RERE: variants seen among roughly 807,000 people sequenced by gnomAD.
RERE encodes the protein arginine-glutamic acid dipeptide repeats, also known as arginine-glutamic acid dipeptide repeats protein.
RERE carries 40 observed loss-of-function variants against 146.1 expected under a neutral mutation model. That is an observed-to-expected ratio of 0.27 (90% confidence interval 0.21 to 0.36). The LOEUF (loss-of-function observed/expected upper bound fraction) is 0.36. Ranked by LOEUF, RERE falls within the 10% of genes least tolerant of loss-of-function variation. The pLI is 1.00. For synonymous variants in RERE, 1,003 were observed against 866.0 expected (o/e 1.16, Z -2.78); for missense variants, 1,933 against 2,138.7 (o/e 0.90, Z 1.90).
At chr1:8,546,992 T>C (rs898982550) in intron 6 of RERE, among the ~76,000 whole-genome samples, 2 of 151,846 alleles carry the variant, frequency 1.3e-5, no homozygotes, top group Admixed American at 1.3e-4. Context: ...AAAACATCCA[T>C]GTTCTTAGAT....
intron 7 of RERE, among the ~76,000 whole-genome samples, chr1:8,513,571 G>C (rs1645371197): frequency 6.6e-6 from 1 of 152,188 alleles, no homozygotes. Context: ...TTGAGGTCAA[G>C]AGTTCGAGAC....
intron 12 of RERE, among the ~76,000 whole-genome samples, chr1:8,383,904 T>G (rs1468236366): frequency 2.7e-5 from 4 of 146,590 alleles, no homozygotes; most frequent in African/African-American, 7.4e-5. Context: ...TAAAAATGTA[T>G]GCCAAACTAC....
chr1:8,617,129 G>A (rs12140566), intron 3 of RERE, among the ~76,000 whole-genome samples: 2 of 151,868 alleles, frequency 1.3e-5, no homozygotes, highest in Admixed American at 1.3e-4. Flanking sequence ...CGGATCACAA[G>A]GTCAGGAGTT....
intron 1 of RERE, among the ~76,000 whole-genome samples, chr1:8,683,081 T>G (rs1422932852): frequency 2.2e-5 from 3 of 136,924 alleles, no homozygotes; most frequent in Non-Finnish European, 4.7e-5. Context: ...ATTCTATTAG[T>G]ATAATCATCA....
At chr1:8,568,778 T>C (rs1207102347) in intron 4 of RERE, among the ~76,000 whole-genome samples, 1 of 152,204 alleles carries the variant, frequency 6.6e-6, no homozygotes, top group African/African-American at 2.4e-5. Context: ...TCATGGGACT[T>C]AGCTTCTATG....
At position 8,459,281 on chromosome 1, in the gene RERE, A is replaced by C. The variant is rs148739265; in HGVS notation, c.1203+6644T>G. ...ACTATAGGTCACATTAAGAATACAT[A>C]ATATGGAGTAATATGTACATACGTG... On this transcript the variant is annotated intron_variant, in intron 11 of 22. Coordinates refer to ENST00000400908, the MANE Select transcript of RERE (RefSeq NM_001042681.2). 3.4e-3 allele frequency among the ~76,000 whole-genome samples: 523 copies of C among 152,324 alleles called. 2 individuals carry two copies. The highest frequency in any genetic ancestry group is 5.0e-3 in the Non-Finnish European group (343 of 68,022).
intron 7 of RERE, among the ~76,000 whole-genome samples, chr1:8,537,820 C>G (rs1355228759): frequency 6.6e-6 from 1 of 151,816 alleles, no homozygotes; most frequent in Non-Finnish European, 1.5e-5. Context: ...AAATCAGATC[C>G]CTGACAAGAT....
chr1:8,742,597 G>A (rs893415417), intron 1 of RERE, among the ~76,000 whole-genome samples: 4 of 152,216 alleles, frequency 2.6e-5, no homozygotes, highest in African/African-American at 9.6e-5. Context: ...GAGGCAGGCA[G>A]ATCACTCAAG....
chr1:8,457,398 C>T (rs746767092), intron 11 of RERE, among the ~76,000 whole-genome samples: 9 of 152,090 alleles, frequency 5.9e-5, no homozygotes, highest in African/African-American at 9.7e-5. Flanking sequence ...AAAGGTACTT[C>T]GGAAAAATGT....
At chr1:8,475,027 G>A (rs2399145) in intron 10 of RERE, among the ~76,000 whole-genome samples, 129,874 of 152,274 alleles carry the variant, frequency 0.85, 55,770 homozygotes, top group East Asian at 0.94. Context: ...TAATTATTTC[G>A]ACTATTAAGA....
intron 12 of RERE, among the ~76,000 whole-genome samples, chr1:8,366,744 A>C (rs2124380235): frequency 6.6e-6 from 1 of 152,322 alleles, no homozygotes; most frequent in South Asian, 2.1e-4. Context: ...GCAGAAACAA[A>C]AGCAAGATAC....
chr1:8,557,603 C>A, intron 4 of RERE, 80 bp from the exon 5 acceptor site: 2 of 867,862 alleles, frequency 2.3e-6, no homozygotes, highest in East Asian at 2.5e-5. Context: ...ACCAAAAGCC[C>A]CTGTAAACGG....
chr1:8,560,219 T>G (rs1646061641), intron 4 of RERE, among the ~76,000 whole-genome samples: 1 of 152,132 alleles, frequency 6.6e-6, no homozygotes, highest in South Asian at 2.1e-4. Context: ...GCCAGAGGAT[T>G]CTTTGTTGTG....
At chr1:8,649,563 C>CT (rs1647499515) in intron 2 of RERE, among the ~76,000 whole-genome samples, 1 of 151,912 alleles carries the variant, frequency 6.6e-6, no homozygotes, top group Non-Finnish European at 1.5e-5. Flanking sequence ...AACCCTGACT[C>CT]TACTAAAAAC....
chr1:8,748,882 C>A (rs1640475418), intron 1 of RERE, among the ~76,000 whole-genome samples: 1 of 152,116 alleles, frequency 6.6e-6, no homozygotes, highest in Non-Finnish European at 1.5e-5. Flanking sequence ...AATGAGGTAT[C>A]AGAACATACA....
At chr1:8,406,741 T>C (rs1267087521) in intron 12 of RERE, among the ~76,000 whole-genome samples, 1 of 152,074 alleles carries the variant, frequency 6.6e-6, no homozygotes, top group Non-Finnish European at 1.5e-5. Context: ...AGAGGGAGAA[T>C]AGTTCAGAAT....
At chr1:8,768,518 T>G (rs1159759265) in intron 1 of RERE, among the ~76,000 whole-genome samples, 2 of 152,222 alleles carry the variant, frequency 1.3e-5, no homozygotes, top group African/African-American at 4.8e-5. Flanking sequence ...ACTGGTCACA[T>G]GTAGCCACTG....
rs1641516743 is a variant in RERE at position 8,360,439 on chromosome 1, G to A, written c.3068C>T (p.Thr1023Ile). The change falls in exon 18 of 23, where the codon ACA becomes ATA. Residue 1023 changes from threonine to isoleucine, a missense_variant. This residue lies in a region of RERE where 1,255 missense variants were observed against 1,153.8 expected (regional missense o/e 1.09). Coordinates refer to ENST00000400908, the MANE Select transcript of RERE (RefSeq NM_001042681.2). ...TTGGGGGGCCACCTGGTGGAGGCCT[G>A]TAGGGGGGTGGGAGGCAGGGGGCGG... ...LPPPPASHPP[T>I]GLHQVAPQPP... 2.3e-6 allele frequency: 2 copies of A among 853,706 alleles called. No homozygotes were observed. Among genetic ancestry groups the A allele is most frequent in the African/African-American group, 1.9e-5 (1 of 51,454 alleles). The allele number at this position is 853,706 out of a possible 1,614,324, so 52.9% of individuals were successfully genotyped here.
At chr1:8,743,354 C>A (rs1248924030) in intron 1 of RERE, among the ~76,000 whole-genome samples, 2 of 151,950 alleles carry the variant, frequency 1.3e-5, no homozygotes, top group African/African-American at 2.4e-5. Flanking sequence ...TTTGGGCTTA[C>A]TGAAACCACT....
Sources: allele counts gnomAD v4.1 joint callset (sites outside exome capture counted in the v4.1 genomes callset), GRCh38; gene constraint gnomAD v4.1.1; regional missense constraint gnomAD v4.1.1; transcripts MANE v1.5; gene names NCBI Gene and HGNC (gene_info 2026-07-23, HGNC 2026-07-21).